Variants in DNM3 observed in about 807,000 individuals in gnomAD.
DNM3 encodes dynamin 3.
A neutral mutation model predicts 101.6 loss-of-function variants in DNM3; 47 were observed. The ratio of observed to expected loss-of-function variants is 0.46; its 90% confidence interval spans 0.37 to 0.59. The LOEUF is 0.59. Among genes scored for constraint, DNM3 ranks in the 20% least tolerant of loss-of-function variants. The pLI, the probability that DNM3 is intolerant of heterozygous loss-of-function variation, is 0.00. For missense variants in DNM3, 849 were observed against 1,085.7 expected, an observed-to-expected ratio of 0.78 and a Z score of 3.06; for synonymous variants, 385 against 387.9, an observed-to-expected ratio of 0.99 and a Z score of 0.09.
At chr1:171,858,515 T>C (rs1428614113) in intron 1 of DNM3, among the ~76,000 whole-genome samples, 3 of 152,150 alleles carry the variant, frequency 2.0e-5, no homozygotes, top group African/African-American at 7.2e-5. Context: ...ACTGAAAAGA[T>C]TGGTCCATCC....
At chr1:171,985,571 C>T (rs1211101494) in intron 2 of DNM3, among the ~76,000 whole-genome samples, 2 of 152,140 alleles carry the variant, frequency 1.3e-5, no homozygotes, top group African/African-American at 2.4e-5. Context: ...GAGGAATGAG[C>T]TTTCGGGAGA....
At chr1:172,011,004 G>A (rs1438642834) in intron 4 of DNM3, among the ~76,000 whole-genome samples, 1 of 151,538 alleles carries the variant, frequency 6.6e-6, no homozygotes, top group Non-Finnish European at 1.5e-5. Flanking sequence ...AATTTTATGG[G>A]AGTGCTGAAT....
In DNM3 at chr1:172,346,358, A is replaced by G. The variant is rs72723265; in HGVS notation, c.1893+23018A>G. Among the ~76,000 whole-genome samples, 166 of 152,322 alleles carry G rather than the reference A, an allele frequency of 1.1e-3. 2 individuals are homozygous for G. The highest frequency in any genetic ancestry group is 1.9e-3 in the Non-Finnish European group (130 of 68,024). ...GCATGAAGTGCATGTGAAGGTGTAC[A>G]GTGAAGACTGAGGGGCCAGGGAGGT... On this transcript the variant is annotated intron_variant, in intron 17 of 20. Coordinates refer to ENST00000627582, the MANE Select transcript of DNM3 (RefSeq NM_015569.5).
intron 15 of DNM3, among the ~76,000 whole-genome samples, chr1:172,298,906 A>G (rs1037205390): frequency 3.9e-5 from 6 of 152,110 alleles, no homozygotes; most frequent in Non-Finnish European, 7.4e-5. Flanking sequence ...AGGAAAAGAA[A>G]GAAGGATAAA....
rs373308174 is a variant in DNM3, at chr1:171,881,329, A to G, written c.161+39512A>G. 5.3e-5 allele frequency among the ~76,000 whole-genome samples: 8 copies of G among 152,342 alleles called. No homozygotes were observed. The East Asian group carries it at 1.5e-3, about 29-fold the overall frequency. On this transcript the variant is annotated intron_variant, in intron 1 of 20. Coordinates refer to ENST00000627582, the MANE Select transcript of DNM3 (RefSeq NM_015569.5). ...TTATGTTATTTAGTATACATTAAGT[A>G]TAATGTAGAATATACTTATGATATT...
Position 172,409,129 on chromosome 1 carries a change from T to C in DNM3, c.*1288T>C. On this transcript the variant is annotated 3_prime_UTR_variant, in exon 21 of 21. Transcript: ENST00000627582. ...AAGTTTTGGACTACCAAGGACCAGA[T>C]GATTCACATGTAGGAAACAGCCAGA... 2.0e-6 allele frequency: 2 copies of C among 985,382 alleles called. No individual in the cohort carries two copies. The highest frequency in any genetic ancestry group is 2.4e-6 in the Non-Finnish European group (2 of 829,892). The allele number at this position is 985,382 out of a possible 1,614,324, so 61.0% of individuals were successfully genotyped here.
intron 2 of DNM3, among the ~76,000 whole-genome samples, chr1:171,941,855 A>G (rs1048700796): frequency 1.3e-5 from 2 of 152,178 alleles, no homozygotes; most frequent in African/African-American, 4.8e-5. Context: ...TGTAATATGT[A>G]TATAATAAAA....
intron 17 of DNM3, among the ~76,000 whole-genome samples, chr1:172,328,170 T>C (rs963556508): frequency 2.6e-5 from 4 of 152,192 alleles, no homozygotes; most frequent in African/African-American, 9.6e-5. Context: ...TTATATATTT[T>C]TATTTTCTCT....
chr1:172,202,328 A>G (rs1572936160), intron 14 of DNM3, among the ~76,000 whole-genome samples: 2 of 152,304 alleles, frequency 1.3e-5, no homozygotes, highest in East Asian at 1.9e-4. Flanking sequence ...CTGTGAAACC[A>G]TCTAGGCCTG....
intron 2 of DNM3, among the ~76,000 whole-genome samples, chr1:171,961,031 C>A (rs2043179545): frequency 6.6e-6 from 1 of 152,134 alleles, no homozygotes; most frequent in Non-Finnish European, 1.5e-5. Flanking sequence ...CAGTTGGCAT[C>A]CAGGTCTCAG....
At chr1:172,314,414 C>T (rs1040153731) in intron 16 of DNM3, among the ~76,000 whole-genome samples, 3 of 152,070 alleles carry the variant, frequency 2.0e-5, no homozygotes, top group Admixed American at 6.5e-5. Context: ...ACGCGGTGCA[C>T]GAGCCGAAGC....
chr1:172,164,796 G>A (rs999693105), intron 14 of DNM3, among the ~76,000 whole-genome samples: 20 of 152,028 alleles, frequency 1.3e-4, no homozygotes, highest in African/African-American at 4.6e-4. Flanking sequence ...GGAGGACAGA[G>A]GCAGTGTATG....
chr1:171,949,609 T>C (rs2042379568), intron 2 of DNM3, among the ~76,000 whole-genome samples: 1 of 150,612 alleles, frequency 6.6e-6, no homozygotes, highest in East Asian at 2.0e-4. Context: ...AGAGACAAGG[T>C]CTTGCCATGT....
chr1:172,193,684 T>A (rs940813011), intron 14 of DNM3, among the ~76,000 whole-genome samples: 1 of 152,216 alleles, frequency 6.6e-6, no homozygotes, highest in Non-Finnish European at 1.5e-5. Flanking sequence ...GTAGTTTGTA[T>A]TTCTATGGGA....
At chr1:171,947,163 A>AG (rs2125438657) in intron 2 of DNM3, among the ~76,000 whole-genome samples, 1 of 152,286 alleles carries the variant, frequency 6.6e-6, no homozygotes, top group African/African-American at 2.4e-5. Flanking sequence ...GTGACACAAG[A>AG]GGAACAGGGA....
intron 1 of DNM3, among the ~76,000 whole-genome samples, chr1:171,900,397 C>A (rs1439515520): frequency 1.3e-5 from 2 of 151,874 alleles, no homozygotes; most frequent in South Asian, 2.1e-4. Context: ...CTGGAAAAAA[C>A]CCCAAGAAGG....
chr1:172,389,083 G>A, intron 20 of DNM3: 2 of 466,968 alleles, frequency 4.3e-6, no homozygotes, highest in East Asian at 7.7e-5. Flanking sequence ...GGCAGCTATT[G>A]GGAGAATTTG....
intron 14 of DNM3, among the ~76,000 whole-genome samples, chr1:172,175,372 T>A (rs1212502472): frequency 6.6e-6 from 1 of 151,816 alleles, no homozygotes; most frequent in African/African-American, 2.4e-5. Context: ...TATATTTCAG[T>A]GCCTCAAAAC....
chr1:172,166,921 TC>T (rs1313239631), intron 14 of DNM3, among the ~76,000 whole-genome samples: 1 of 150,816 alleles, frequency 6.6e-6, no homozygotes, highest in Non-Finnish European at 1.5e-5. Context: ...AGCATTGCAT[TC>T]TTTTTTTTTT....
Sources: allele counts gnomAD v4.1 joint callset (sites outside exome capture counted in the v4.1 genomes callset), GRCh38; gene constraint gnomAD v4.1.1; transcripts MANE v1.5; gene names NCBI Gene and HGNC (gene_info 2026-07-23, HGNC 2026-07-21).